The following UBP1 variants were observed in gnomAD, a reference collection of about 807,000 sequenced individuals.
The protein encoded by UBP1 is upstream-binding protein 1.
Under a neutral mutation model 76.1 loss-of-function variants are expected in UBP1, and 22 were observed. The observed-to-expected ratio is 0.29, with a 90% CI of 0.21 to 0.41. The LOEUF is 0.41. Ranked by LOEUF, UBP1 falls within the 10% of genes least tolerant of loss-of-function variation. The probability of loss-of-function intolerance (pLI) is 1.00; values close to 1 mark genes in which losing one functional copy is unlikely to be tolerated. For synonymous variants in UBP1, 224 were observed against 237.1 expected, an observed-to-expected ratio of 0.94 and a Z score of 0.51; for missense variants, 436 against 668.1, an observed-to-expected ratio of 0.65 and a Z score of 3.83.
intron 11 of UBP1, chr3:33,397,583 G>GT (rs1451998447): frequency 6.6e-6 from 1 of 152,476 alleles, no homozygotes; most frequent in African/African-American, 2.4e-5. Flanking sequence ...CCTAAAGTCT[G>GT]TAAGAGTTGG....
chr3:33,432,387 G>A (rs925439249), intron 1 of UBP1, among the ~76,000 whole-genome samples: 2 of 152,080 alleles, frequency 1.3e-5, no homozygotes, highest in Non-Finnish European at 2.9e-5. Flanking sequence ...AAAACACAAT[G>A]GTTTGTAATT....
intron 3 of UBP1, among the ~76,000 whole-genome samples, chr3:33,413,546 C>CAAAAA (rs926941278): frequency 1.8e-5 from 1 of 55,406 alleles, no homozygotes; most frequent in Admixed American, 1.7e-4. Context: ...GACTCCATCA[C>CAAAAA]AAAAAAAAAA....
intron 2 of UBP1, among the ~76,000 whole-genome samples, chr3:33,424,774 A>G (rs1186013515): frequency 6.6e-6 from 1 of 152,170 alleles, no homozygotes; most frequent in Non-Finnish European, 1.5e-5. Flanking sequence ...GGCCGGGTGC[A>G]ATGGCTCACG....
rs750743927 is a variant in UBP1, at chr3:33,396,134, A to G, written c.1390+28T>C. On this transcript the variant is annotated intron_variant, in intron 13 of 15. Coordinates refer to ENST00000283629, the MANE Select transcript of UBP1 (RefSeq NM_014517.5). ...TTTCTGTCTGACAGTCTCAGAAGTG[A>G]CAGAATTGAGATGCCCTCAATACCT... 8.6e-6 allele frequency: 13 copies of G among 1,519,794 alleles called. No individual in the cohort carries two copies. In the South Asian group the frequency reaches 1.6e-4, roughly 19 times the overall value. 94.1% of individuals were successfully genotyped at this position (1,519,794 alleles called of 1,614,324 possible).
intron 9 of UBP1, 34 bp downstream of exon 9, chr3:33,402,767 T>G (rs1055728217): frequency 6.3e-6 from 9 of 1,435,342 alleles, no homozygotes; most frequent in South Asian, 1.4e-5. Context: ...GAGCATTAGT[T>G]AGCTGCAGGC....
intron 1 of UBP1, 133 bp downstream of exon 1, chr3:33,439,603 G>T: frequency 1.1e-6 from 1 of 943,048 alleles, no homozygotes; most frequent in Non-Finnish European, 1.5e-6. Flanking sequence ...CGACCGCCAC[G>T]CGGCAGGACT....
At chr3:33,416,536 CAACT>C (rs2044733281) in intron 3 of UBP1, among the ~76,000 whole-genome samples, 2 of 152,196 alleles carry the variant, frequency 1.3e-5, no homozygotes, top group African/African-American at 4.8e-5. Flanking sequence ...CCCATAACTA[CAACT>C]AACTTTTCTA....
chr3:33,403,763 C>T (rs1466861347), intron 8 of UBP1: 1 of 152,122 alleles, frequency 6.6e-6, no homozygotes, highest in Non-Finnish European at 1.5e-5. Context: ...GCTAAGCATG[C>T]CAGAGTAATC....
chr3:33,420,031 C>T (rs1445686485), intron 2 of UBP1, among the ~76,000 whole-genome samples: 1 of 152,012 alleles, frequency 6.6e-6, no homozygotes, highest in African/African-American at 2.4e-5. Flanking sequence ...ATTCATGTCC[C>T]CACCCACCTT....
intron 9 of UBP1, among the ~76,000 whole-genome samples, chr3:33,401,609 G>A (rs1348930823): frequency 6.6e-6 from 1 of 152,160 alleles, no homozygotes. Context: ...CTTGAGCACC[G>A]ACTCCTTTCT....
chr3:33,431,583 C>CA (rs550831892), intron 1 of UBP1, among the ~76,000 whole-genome samples: 32 of 151,566 alleles, frequency 2.1e-4, no homozygotes, highest in Non-Finnish European at 4.1e-4. Flanking sequence ...TAAAAAACTA[C>CA]AAAAAAATTA....
At chr3:33,439,571 G>A (rs76342361) in intron 1 of UBP1, among the ~76,000 whole-genome samples, 165 bp downstream of exon 1, 2,042 of 152,292 alleles carry the variant, frequency 0.013, 19 homozygotes, top group South Asian at 0.027. Flanking sequence ...GCGAGCAGAG[G>A]CCTTTGGGGT....
At position 33,396,244 on chromosome 3, in the gene UBP1, C is replaced by T; in HGVS notation, c.1308G>A (p.Arg436=). Residue 436 remains arginine, a synonymous_variant, in exon 13 of 16, where the codon CGG becomes CGA. Coordinates refer to ENST00000283629, the MANE Select transcript of UBP1 (RefSeq NM_014517.5). ...GCAGCACTGTGCTGCTTGGCTGCTC[C>T]CGGCAGACATAGATGGTTAAACGGG... The part of the protein sequence containing the change: ...VRPRLTIYVC[R]EQPSSTVLQG... 2 of 1,590,010 alleles carry T rather than the reference C, an allele frequency of 1.3e-6. No homozygotes were observed. The highest frequency in any genetic ancestry group is 1.7e-4 in the Middle Eastern group (1 of 5,988).
intron 11 of UBP1, chr3:33,398,335 A>G (rs2044088228): frequency 6.6e-6 from 1 of 152,242 alleles, no homozygotes; most frequent in South Asian, 2.1e-4. Flanking sequence ...CACATCTCCC[A>G]TGAGACATGA....
intron 8 of UBP1, 189 bp from the exon 9 acceptor site, chr3:33,403,093 C>A: frequency 1.9e-6 from 1 of 536,736 alleles, no homozygotes; most frequent in Non-Finnish European, 3.3e-6. Flanking sequence ...CTGCTGTGTG[C>A]GTCTAGACAC....
chr3:33,400,046 G>A (rs2044162719), intron 11 of UBP1, 143 bp downstream of exon 11: 2 of 463,042 alleles, frequency 4.3e-6, no homozygotes, highest in Non-Finnish European at 7.3e-6. Flanking sequence ...TTGGGGGATA[G>A]ATATAAAGAA....
chr3:33,392,430 C>T, intron 15 of UBP1, 133 bp downstream of exon 15: 1 of 744,242 alleles, frequency 1.3e-6, no homozygotes, highest in Non-Finnish European at 2.1e-6. Flanking sequence ...TAGAAATATT[C>T]TCATTTATCA....
intron 1 of UBP1, among the ~76,000 whole-genome samples, chr3:33,434,532 C>T (rs1194816643): frequency 6.6e-6 from 1 of 151,374 alleles, no homozygotes; most frequent in Non-Finnish European, 1.5e-5. Context: ...GGTGATCCAC[C>T]TGCCTCAGCC....
intron 3 of UBP1, 133 bp downstream of exon 3, chr3:33,416,625 A>G: frequency 1.5e-6 from 1 of 649,290 alleles, no homozygotes; most frequent in Non-Finnish European, 2.5e-6. Flanking sequence ...TTACAGGTGA[A>G]TAAACAAAAT....
Sources: gnomAD v4.1 joint callset for allele counts (sites outside exome capture counted in the v4.1 genomes callset) on GRCh38, gnomAD v4.1.1 for gene constraint, MANE v1.5 for transcripts, NCBI Gene and HGNC (gene_info 2026-07-23, HGNC 2026-07-21) for gene names.